The following STIM1 variants were observed in gnomAD, a reference collection of about 807,000 sequenced individuals.
STIM1 encodes the protein stromal interaction molecule 1.
Under a neutral mutation model 74.7 loss-of-function variants are expected in STIM1, and 25 were observed. That is an observed-to-expected ratio of 0.33 (90% confidence interval 0.24 to 0.47). The LOEUF (loss-of-function observed/expected upper bound fraction) is 0.47, where lower values mean the gene tolerates loss of function less well. Ranked by LOEUF, STIM1 falls within the 20% of genes least tolerant of loss-of-function variation. The pLI is 1.00. For synonymous variants in STIM1, 328 were observed against 348.8 expected (o/e 0.94, Z 0.66); for missense variants, 728 against 920.8 (o/e 0.79, Z 2.71).
chr11:3,998,315 C>A (rs2093680982), intron 2 of STIM1, among the ~76,000 whole-genome samples: 1 of 152,198 alleles, frequency 6.6e-6, no homozygotes, highest in Non-Finnish European at 1.5e-5. Flanking sequence ...TCTAAAGTAT[C>A]ATGTTACATT....
chr11:4,070,115 C>G lies in STIM1; in HGVS notation c.703C>G (p.Arg235Gly), dbSNP rs770272305. Reference sequence around the variant, plus strand: ...CTGCTGGTTTGCCTATATCCAGAACCGTTACTCCAAGGAGCACATGAAGAA... The same window carrying G: ...CTGCTGGTTTGCCTATATCCAGAACGGTTACTCCAAGGAGCACATGAAGAA... ...GGCWFAYIQN[R>G]YSKEHMKKMM... Residue 235 changes from arginine (R) to glycine (G), a missense_variant, in exon 6 of 13, where the codon CGT becomes GGT. Physicochemically the swap from Arg to Gly is moderately radical, Grantham distance 125. Transcript: ENST00000526596. 1 of 1,614,124 alleles carries G rather than the reference C, an allele frequency of 6.2e-7. No homozygotes were observed. Among genetic ancestry groups the G allele is most frequent in the Non-Finnish European group, 8.5e-7 (1 of 1,180,028 alleles).
Position 4,049,728 on chromosome 11 carries a change from A to G in STIM1, c.386-5798A>G, listed in dbSNP as rs183760921. On this transcript the variant is annotated intron_variant, in intron 3 of 12. Transcript: ENST00000526596. ...CCCCCCTGCCCAAACACACACACAC[A>G]CACACACACACACACACACACACAC... 1,138 of 133,186 alleles carry G rather than the reference A, an allele frequency of 8.5e-3. 8 individuals carry two copies. Among genetic ancestry groups the G allele is most frequent in the South Asian group, 0.022 (71 of 3,250 alleles). The allele number at this position is 133,186 out of a possible 1,614,324, so 8.3% of individuals were successfully genotyped here.
intron 1 of STIM1, among the ~76,000 whole-genome samples, chr11:3,879,989 A>G (rs2091441120): frequency 1.3e-5 from 2 of 152,156 alleles, no homozygotes; most frequent in African/African-American, 4.8e-5. Context: ...GATTATTATG[A>G]ATGGTCAGAA....
intron 2 of STIM1, among the ~76,000 whole-genome samples, chr11:3,968,809 C>G (rs2093364287): frequency 6.6e-6 from 1 of 152,288 alleles, no homozygotes; most frequent in African/African-American, 2.4e-5. Flanking sequence ...AACCATGATA[C>G]TAGCTCTCAT....
intron 6 of STIM1, among the ~76,000 whole-genome samples, chr11:4,073,124 C>T (rs1417027039): frequency 4.1e-5 from 5 of 122,896 alleles, no homozygotes; most frequent in African/African-American, 1.5e-4. Flanking sequence ...GGTCAGTGTT[C>T]TCTAGGGGTC....
Position 4,053,785 on chromosome 11 carries a change from T to A in STIM1, c.386-1741T>A, listed in dbSNP as rs997973437. On this transcript the variant is annotated intron_variant, in intron 3 of 12. Coordinates refer to ENST00000526596, the MANE Select transcript of STIM1 (RefSeq NM_001382567.1). ...AGGCGACCAAATAGAAAAAAAAAAA[T>A]TTTAATAGAGACAGGGTCTCACTGT... Among the ~76,000 whole-genome samples the A allele has an allele frequency of 5.4e-5, 8 of 149,224 alleles. No individual in the cohort carries two copies. The South Asian group carries it at 8.6e-4, about 16-fold the overall frequency.
chr11:3,987,298 T>C (rs1421196923), intron 2 of STIM1, among the ~76,000 whole-genome samples: 1 of 152,238 alleles, frequency 6.6e-6, no homozygotes, highest in Admixed American at 6.5e-5. Context: ...GTTTGCATTT[T>C]ACAGGCTCTA....
chr11:4,004,711 G>T (rs1355233544), intron 2 of STIM1, among the ~76,000 whole-genome samples: 2 of 148,590 alleles, frequency 1.3e-5, no homozygotes, highest in Non-Finnish European at 3.0e-5. Context: ...AAAAGCAATG[G>T]CAACAAAAGC....
intron 2 of STIM1, among the ~76,000 whole-genome samples, chr11:4,004,146 A>G (rs988885020): frequency 2.8e-4 from 43 of 152,242 alleles, no homozygotes; most frequent in Non-Finnish European, 5.4e-4. Flanking sequence ...AATCAATATC[A>G]TGAAAATGGC....
intron 3 of STIM1, among the ~76,000 whole-genome samples, chr11:4,041,397 G>A (rs1018394693): frequency 2.6e-5 from 4 of 152,090 alleles, no homozygotes; most frequent in African/African-American, 4.8e-5. Context: ...AATGAATGGC[G>A]ATAATAATTA....
intron 1 of STIM1, among the ~76,000 whole-genome samples, chr11:3,931,868 C>T (rs1273854753): frequency 1.3e-5 from 2 of 152,132 alleles, no homozygotes; most frequent in African/African-American, 4.8e-5. Flanking sequence ...AATATCTGAG[C>T]CCTAGCCTAC....
At chr11:3,957,506 C>T (rs1363749962) in intron 1 of STIM1, among the ~76,000 whole-genome samples, 2 of 152,030 alleles carry the variant, frequency 1.3e-5, no homozygotes, top group East Asian at 3.9e-4. Context: ...ATCCACCTGC[C>T]TCAGCCTCCC....
At chr11:4,024,943 T>A (rs2093986959) in intron 3 of STIM1, among the ~76,000 whole-genome samples, 1 of 152,130 alleles carries the variant, frequency 6.6e-6, no homozygotes, top group South Asian at 2.1e-4. Flanking sequence ...CTAGAAGAAA[T>A]CTCTCTTCCC....
chr11:3,994,788 A>C (rs1429191602), intron 2 of STIM1, among the ~76,000 whole-genome samples: 1 of 152,126 alleles, frequency 6.6e-6, no homozygotes, highest in South Asian at 2.1e-4. Flanking sequence ...TGGTGTGATT[A>C]ATGGTGTTCT....
chr11:3,964,000 C>T (rs2093316074), intron 1 of STIM1, among the ~76,000 whole-genome samples: 1 of 152,256 alleles, frequency 6.6e-6, no homozygotes. Flanking sequence ...TGTCAGCCTA[C>T]ACCAGGCCCT....
chr11:3,989,421 C>T, intron 2 of STIM1: 1 of 736,922 alleles, frequency 1.4e-6, no homozygotes, highest in Non-Finnish European at 2.6e-6. Flanking sequence ...TGGGCTCTTC[C>T]TTGGCGGCCC....
chr11:3,969,431 A>G (rs570680567), intron 2 of STIM1, among the ~76,000 whole-genome samples: 2 of 152,222 alleles, frequency 1.3e-5, no homozygotes, highest in South Asian at 4.1e-4. Flanking sequence ...GTGGTGCACT[A>G]TGATCATGCC....
chr11:3,863,217 T>A (rs2090700185), intron 1 of STIM1, among the ~76,000 whole-genome samples: 1 of 122,356 alleles, frequency 8.2e-6, no homozygotes, highest in Non-Finnish European at 1.7e-5. Flanking sequence ...TTTGAGACAA[T>A]GCATGTGTGT....
intron 4 of STIM1, among the ~76,000 whole-genome samples, chr11:4,057,562 C>T (rs960011463): frequency 6.6e-6 from 1 of 152,184 alleles, no homozygotes; most frequent in Non-Finnish European, 1.5e-5. Context: ...TCTAAGTCTC[C>T]ATTTTCTTAT....
Sources: gnomAD v4.1 joint callset for allele counts (sites outside exome capture counted in the v4.1 genomes callset) on GRCh38, gnomAD v4.1.1 for gene constraint, MANE v1.5 for transcripts, NCBI Gene and HGNC (gene_info 2026-07-23, HGNC 2026-07-21) for gene names.